Variants in PPM1B observed in about 807,000 individuals in gnomAD.
The protein encoded by PPM1B is protein phosphatase 1B.
A neutral mutation model predicts 43.0 loss-of-function variants in PPM1B; 22 were observed. That is an observed-to-expected ratio of 0.51 (90% CI 0.37 to 0.73). The LOEUF (loss-of-function observed/expected upper bound fraction) is 0.73. Ranked by LOEUF, PPM1B falls within the 30% of genes least tolerant of loss-of-function variation. The pLI is 0.00. For synonymous variants in PPM1B, 217 were observed against 197.9 expected, an observed-to-expected ratio of 1.10 and a Z score of -0.81; for missense variants, 632 against 584.2, an observed-to-expected ratio of 1.08 and a Z score of -0.84.
At chr2:44,228,288 G>C (rs1278730960) in intron 5 of PPM1B, among the ~76,000 whole-genome samples, 1 of 139,540 alleles carries the variant, frequency 7.2e-6, no homozygotes. Flanking sequence ...CCTCGACTTA[G>C]CTCAACCTCT....
chr2:44,196,452 G>A (rs1237751802), intron 1 of PPM1B, among the ~76,000 whole-genome samples: 2 of 152,192 alleles, frequency 1.3e-5, no homozygotes, highest in African/African-American at 2.4e-5. Context: ...AACCGTTGAT[G>A]TCAAGTTTGA....
chr2:44,188,812 C>T (rs1341859521), intron 1 of PPM1B, among the ~76,000 whole-genome samples: 1 of 149,044 alleles, frequency 6.7e-6, no homozygotes, highest in Non-Finnish European at 1.5e-5. Flanking sequence ...CACTCCCCTC[C>T]CCCTCCCCCT....
At chr2:44,229,296 G>T (rs1054532200) in intron 5 of PPM1B, among the ~76,000 whole-genome samples, 2 of 151,972 alleles carry the variant, frequency 1.3e-5, no homozygotes, top group African/African-American at 4.8e-5. Context: ...CACTGTAGGT[G>T]TATAAAAAAA....
intron 1 of PPM1B, among the ~76,000 whole-genome samples, chr2:44,193,986 T>C (rs1161686309): frequency 6.6e-6 from 1 of 152,180 alleles, no homozygotes; most frequent in East Asian, 1.9e-4. Context: ...AGCCCTGGGG[T>C]TGCAGGCATG....
chr2:44,183,374 C>T (rs766318941), intron 1 of PPM1B, among the ~76,000 whole-genome samples: 85 of 152,168 alleles, frequency 5.6e-4, no homozygotes, highest in Non-Finnish European at 8.4e-4. Context: ...ACATTCTTCC[C>T]GTGTGGTTTT....
intron 5 of PPM1B, among the ~76,000 whole-genome samples, chr2:44,239,920 T>C (rs569869881): frequency 6.6e-6 from 1 of 151,226 alleles, no homozygotes; most frequent in East Asian, 1.9e-4. Flanking sequence ...TCTAACCCTG[T>C]GGAAATATCA....
In PPM1B at chr2:44,206,876, C is replaced by T. The variant is rs548839479; in HGVS notation, c.847-2334C>T. 1.1e-4 allele frequency among the ~76,000 whole-genome samples: 17 copies of T among 152,174 alleles called. No individual in the cohort carries two copies. The East Asian group carries it at 3.3e-3, about 29-fold the overall frequency. Reference sequence around the variant, plus strand: ...GCCCAGCTGTTTGATTCTTGAATATCCATGGTGTACTTTAAAATTATTTTT... The same window carrying T: ...GCCCAGCTGTTTGATTCTTGAATATTCATGGTGTACTTTAAAATTATTTTT... On this transcript the variant is annotated intron_variant, in intron 2 of 5. Transcript: ENST00000282412.
At chr2:44,192,190 G>GTTATGGTATTGTATTGTATTGTATT (rs1553329837) in intron 1 of PPM1B, among the ~76,000 whole-genome samples, 3 of 143,542 alleles carry the variant, frequency 2.1e-5, no homozygotes, top group African/African-American at 7.9e-5. Flanking sequence ...GTTATGTTAT[G>GTTATGGTATTGTATTGTATTGTATT]GTATTGTATT....
At chr2:44,198,415 C>T (rs1051305755) in intron 1 of PPM1B, among the ~76,000 whole-genome samples, 1 of 152,192 alleles carries the variant, frequency 6.6e-6, no homozygotes, top group Admixed American at 6.5e-5. Context: ...CCCGCCTCAG[C>T]CTCCCAAAGT....
At chr2:44,239,179 C>CA (rs1193340508), downstream of PPM1B, among the ~76,000 whole-genome samples, 4,470 of 89,582 alleles carry the variant, frequency 0.05, 123 homozygotes, top group Admixed American at 0.13. Flanking sequence ...GTCTCTAATA[C>CA]AAAAAAAAAA....
chr2:44,209,312 G>C lies in PPM1B; in HGVS notation c.949G>C (p.Glu317Gln), dbSNP rs138417279. The C allele has an allele frequency of 3.3e-5, 54 of 1,613,926 alleles. No homozygotes were observed. The African/African-American group carries it at 6.8e-4, about 20-fold the overall frequency. The change falls in exon 3 of 6, where the codon GAA becomes CAA. Residue 317 changes from glutamate to glutamine, a missense_variant. This residue lies in a region of PPM1B where 392 missense variants were observed against 302.7 expected (regional missense o/e 1.29). Coordinates refer to ENST00000282412, the MANE Select transcript of PPM1B (RefSeq NM_002706.6). The stretch of plus-strand genomic sequence containing the variant: ...AGATTCAGAGTTGGATAAGCACTTG[G>C]AATCACGGGTTGAAGGTAAGACAAA... Reference protein sequence around the residue: ...KKDSELDKHLESRVEEIMEKS... With the variant: ...KKDSELDKHLQSRVEEIMEKS...
chr2:44,185,182 T>G (rs569676568), intron 1 of PPM1B, among the ~76,000 whole-genome samples: 37 of 152,226 alleles, frequency 2.4e-4, no homozygotes, highest in Non-Finnish European at 3.8e-4. Flanking sequence ...TCTAGTTTCT[T>G]TCAGCATTGT....
intron 5 of PPM1B, among the ~76,000 whole-genome samples, chr2:44,223,883 G>T (rs983479488): frequency 1.9e-4 from 26 of 138,114 alleles, no homozygotes; most frequent in African/African-American, 6.1e-4. Flanking sequence ...TAGTCACTAT[G>T]TTTTTAAGGT....
At chr2:44,178,456 A>G (rs1003313691) in intron 1 of PPM1B, among the ~76,000 whole-genome samples, 7 of 106,348 alleles carry the variant, frequency 6.6e-5, no homozygotes, top group African/African-American at 1.4e-4. Flanking sequence ...ATATATGTAT[A>G]TATATATATA....
chr2:44,187,554 A>G (rs1668182667), intron 1 of PPM1B, among the ~76,000 whole-genome samples: 1 of 152,206 alleles, frequency 6.6e-6, no homozygotes, highest in Admixed American at 6.5e-5. Context: ...GTCCATAATG[A>G]TCTGTCTAAA....
At chr2:44,194,520 G>A (rs1254955272) in intron 1 of PPM1B, among the ~76,000 whole-genome samples, 4 of 151,944 alleles carry the variant, frequency 2.6e-5, no homozygotes, top group Admixed American at 6.6e-5. Context: ...TCAGGAGATC[G>A]AGACCTTCCT....
intron 5 of PPM1B, among the ~76,000 whole-genome samples, chr2:44,227,060 A>C (rs1472936887): frequency 6.6e-6 from 1 of 151,614 alleles, no homozygotes; most frequent in Non-Finnish European, 1.5e-5. Flanking sequence ...TGTAATCTCA[A>C]CCTCCTGGGC....
chr2:44,189,891 T>A (rs1378077165), intron 1 of PPM1B, among the ~76,000 whole-genome samples: 1 of 152,236 alleles, frequency 6.6e-6, no homozygotes, highest in African/African-American at 2.4e-5. Flanking sequence ...GCTTCGTGTT[T>A]TACACCTTTT....
At chr2:44,185,330 T>A (rs1400267288) in intron 1 of PPM1B, among the ~76,000 whole-genome samples, 1 of 152,156 alleles carries the variant, frequency 6.6e-6, no homozygotes. Context: ...GTTGATTAAG[T>A]GGTAATTTTC....
Sources: allele counts gnomAD v4.1 joint callset (sites outside exome capture counted in the v4.1 genomes callset), GRCh38; gene constraint gnomAD v4.1.1; regional missense constraint gnomAD v4.1.1; transcripts MANE v1.5; gene names NCBI Gene and HGNC (gene_info 2026-07-23, HGNC 2026-07-21).